The following USP4 variants were observed in gnomAD, a reference collection of about 807,000 sequenced individuals.
USP4 encodes ubiquitin specific peptidase 4.
A neutral mutation model predicts 118.2 loss-of-function variants in USP4; 72 were observed. That is an observed-to-expected ratio of 0.61 (90% CI 0.50 to 0.74). USP4 has a LOEUF of 0.74. Ranked by LOEUF, USP4 falls within the 30% of genes least tolerant of loss-of-function variation. The pLI is 0.00. For missense variants in USP4, 1,037 were observed against 1,185.7 expected (o/e 0.87, Z 1.84); for synonymous variants, 415 against 440.4 (o/e 0.94, Z 0.72).
intron 6 of USP4, among the ~76,000 whole-genome samples, chr3:49,320,355 T>C (rs756299112): frequency 9.5e-4 from 145 of 152,148 alleles, no homozygotes; most frequent in Non-Finnish European, 1.9e-3. Context: ...GGCAGGAGAA[T>C]TGCTTGAACC....
intron 3 of USP4, among the ~76,000 whole-genome samples, chr3:49,326,564 T>C (rs1294691986): frequency 6.7e-6 from 1 of 150,326 alleles, no homozygotes; most frequent in Non-Finnish European, 1.5e-5. Flanking sequence ...GCCCAGCTAA[T>C]TTTTGTATTT....
chr3:49,322,074 C>G (rs758872152), intron 6 of USP4, among the ~76,000 whole-genome samples: 3 of 152,140 alleles, frequency 2.0e-5, no homozygotes, highest in Non-Finnish European at 2.9e-5. Context: ...GTAACCACTA[C>G]CCTGACCAAG....
Position 49,277,254 on chromosome 3 carries a change from C to G in USP4, c.*1039G>C, listed in dbSNP as rs758634537. ...GCGTGCCCCGCGCAGGCCCCAAACC[C>G]CCACGGATTAGGTTGAAGGTCAGAC... is the stretch of plus-strand genomic sequence containing the variant. On this transcript the variant is annotated 3_prime_UTR_variant, in exon 22 of 22. Coordinates refer to ENST00000265560, the MANE Select transcript of USP4 (RefSeq NM_003363.4). The G allele has an allele frequency of 2.3e-5, 30 of 1,301,570 alleles. No individual in the cohort carries two copies. In the South Asian group the frequency reaches 3.7e-4, roughly 16 times the overall value. The allele number at this position is 1,301,570 out of a possible 1,614,324, so 80.6% of individuals were successfully genotyped here. A position where few individuals can be genotyped will look rare whatever the true frequency, so the allele number is the denominator to read the frequency against.
At chr3:49,299,747 A>T (rs1229107533) in intron 11 of USP4, among the ~76,000 whole-genome samples, 1 of 152,070 alleles carries the variant, frequency 6.6e-6, no homozygotes, top group Non-Finnish European at 1.5e-5. Flanking sequence ...CAATACAATT[A>T]CTCAGTGAGC....
chr3:49,293,202 C>T (rs944525235), intron 14 of USP4, among the ~76,000 whole-genome samples: 5 of 152,016 alleles, frequency 3.3e-5, no homozygotes, highest in African/African-American at 9.7e-5. Flanking sequence ...CATGGTGAAA[C>T]CCCATCTCTA....
rs918678067 is a variant in USP4 at position 49,335,745 on chromosome 3, G to A, written c.102-149C>T. On this transcript the variant is annotated intron_variant, in intron 1 of 21. Transcript: ENST00000265560. Reference sequence around the variant, plus strand: ...GTCACAAGAGCAAGAGCAGGGCCCAGGCCCCACATGGCACAGAGAGTCTGG... The same window carrying A: ...GTCACAAGAGCAAGAGCAGGGCCCAAGCCCCACATGGCACAGAGAGTCTGG... 4 of 782,920 alleles carry A rather than the reference G, an allele frequency of 5.1e-6. No homozygotes were observed. In the African/African-American group the frequency reaches 7.0e-5, roughly 14 times the overall value. 48.5% of individuals were successfully genotyped at this position (782,920 alleles called of 1,614,324 possible).
Position 49,281,491 on chromosome 3 carries a change from TACACACACACAC to T in USP4, c.2541-656_2541-645del, listed in dbSNP as rs71077782. Among the ~76,000 whole-genome samples the T allele has an allele frequency of 1.3e-3, 168 of 126,542 alleles. 1 individual carries two copies. Among genetic ancestry groups the T allele is most frequent in the African/African-American group, 4.5e-3 (139 of 30,758 alleles). 83.0% of individuals were successfully genotyped at this position (126,542 alleles called of 152,430 possible). On this transcript the variant is annotated intron_variant, in intron 19 of 21. Coordinates refer to ENST00000265560, the MANE Select transcript of USP4 (RefSeq NM_003363.4). ...AAAAGTATGTGTATATATATATATA[TACACACACACAC>T]ACACACACACACACACACACACACA...
intron 3 of USP4, 64 bp from the exon 4 acceptor site, chr3:49,325,909 A>G (rs1371406304): frequency 1.3e-6 from 2 of 1,579,450 alleles, no homozygotes; most frequent in African/African-American, 2.7e-5. Context: ...TGGATGTAGC[A>G]TATCTTATCA....
intron 10 of USP4, among the ~76,000 whole-genome samples, 195 bp downstream of exon 10, chr3:49,302,189 T>TAAAAAA (rs200559085): frequency 8.1e-6 from 1 of 123,992 alleles, no homozygotes. Flanking sequence ...TGTCTCTATT[T>TAAAAAA]AAAAAAAAAA....
In USP4 at chr3:49,278,176, G is replaced by T. The variant is rs1314066566; in HGVS notation, c.*117C>A. 1.9e-5 allele frequency: 20 copies of T among 1,066,086 alleles called. No homozygotes were observed. Among genetic ancestry groups the T allele is most frequent in the Non-Finnish European group, 2.2e-5 (17 of 783,050 alleles). 66.0% of individuals were successfully genotyped at this position (1,066,086 alleles called of 1,614,324 possible). On this transcript the variant is annotated 3_prime_UTR_variant, in exon 22 of 22. Coordinates refer to ENST00000265560, the MANE Select transcript of USP4 (RefSeq NM_003363.4). ...TTTTTGTTTCCTTCTGCTCATAAAAGAAGGGTATTTCCTTGTCTGGTTTTT... is the reference window on the plus strand; with the variant it reads ...TTTTTGTTTCCTTCTGCTCATAAAATAAGGGTATTTCCTTGTCTGGTTTTT...
At position 49,278,452 on chromosome 3, in the gene USP4, C is replaced by T. The variant is rs1268738572; in HGVS notation, c.2734-1G>A. 6.2e-7 allele frequency: 1 copy of T among 1,613,002 alleles called. No individual in the cohort carries two copies. Among genetic ancestry groups the T allele is most frequent in the Non-Finnish European group, 8.5e-7 (1 of 1,179,666 alleles). ...AAAATAGCACATAAGCTGCTTTAGT[C>T]TGAAATACAAGAGGGGGAAAGACCA... On this transcript the variant is annotated splice_acceptor_variant, in intron 21 of 21. Coordinates refer to ENST00000265560, the MANE Select transcript of USP4 (RefSeq NM_003363.4). LOFTEE classifies it high-confidence loss of function.
rs780685229 is a variant in USP4 at position 49,310,744 on chromosome 3, A to G, written c.837-7T>C. 7 of 1,605,370 alleles carry G rather than the reference A, an allele frequency of 4.4e-6. No homozygotes were observed. In the South Asian group the frequency reaches 7.7e-5, roughly 18 times the overall value. ...AGCAGAAAAGCCAGATCCACTGGAA[A>G]ACACAACACACATCAGCAATAAAAG... On this transcript the variant is annotated splice_region_variant and splice_polypyrimidine_tract_variant and intron_variant, in intron 7 of 21. Coordinates refer to ENST00000265560, the MANE Select transcript of USP4 (RefSeq NM_003363.4).
Position 49,302,403 on chromosome 3 carries a change from G to A in USP4, c.1268C>T (p.Ala423Val), listed in dbSNP as rs2107780922. ...GCATACCGCATCTGGCCGCCCATTG[G>A]CATCCTTCAGCTCCAAGTAGGGCTT... ...KKKPYLELKD[A>V]NGRPDAVVAK... Residue 423 changes from alanine to valine, a missense_variant, in exon 10 of 22, where the codon GCC becomes GTC. Around this residue, in one of 3 missense-constraint regions of USP4, gnomAD observed 487 missense variants for 534.1 expected, o/e 0.91. Coordinates refer to ENST00000265560, the MANE Select transcript of USP4 (RefSeq NM_003363.4). 6 of 1,613,606 alleles carry A rather than the reference G, an allele frequency of 3.7e-6. No homozygotes were observed. The East Asian group carries it at 1.3e-4, about 36-fold the overall frequency.
At chr3:49,302,651 G>T in intron 9 of USP4, 109 bp from the exon 10 acceptor site, 2 of 1,101,162 alleles carry the variant, frequency 1.8e-6, no homozygotes, top group Non-Finnish European at 1.3e-6. Flanking sequence ...GGCAGTGAGA[G>T]AGAACACTTG....
chr3:49,288,202 A>T (rs193022084), intron 15 of USP4, among the ~76,000 whole-genome samples: 2 of 151,986 alleles, frequency 1.3e-5, no homozygotes, highest in Admixed American at 1.3e-4. Context: ...GCAAGAAAAA[A>T]CCTGCCCTGC....
At chr3:49,296,364 T>C (rs1295496690) in intron 13 of USP4, among the ~76,000 whole-genome samples, 1 of 151,434 alleles carries the variant, frequency 6.6e-6, no homozygotes. Context: ...AAATACCAGA[T>C]GCTGGCCGAG....
intron 6 of USP4, chr3:49,312,354 T>C (rs763869413): frequency 1.5e-5 from 6 of 394,790 alleles, no homozygotes; most frequent in South Asian, 1.1e-4. Flanking sequence ...CTGGACATGG[T>C]GGCGGGCGCC....
In USP4 at chr3:49,340,034, G is replaced by T. The variant is rs201853078; in HGVS notation, c.-10C>A. ...CTCCACCTTCCGCCATCTCCTCCGCGGCCCCGGCCCAGCCGGCCCGGACAT... is the reference window on the plus strand; with the variant it reads ...CTCCACCTTCCGCCATCTCCTCCGCTGCCCCGGCCCAGCCGGCCCGGACAT... On this transcript the variant is annotated 5_prime_UTR_variant, in exon 1 of 22. Transcript: ENST00000265560. The T allele has an allele frequency of 2.5e-6, 4 of 1,603,326 alleles. No individual in the cohort carries two copies. The highest frequency in any genetic ancestry group is 1.7e-5 in the Admixed American group (1 of 59,958).
intron 9 of USP4, among the ~76,000 whole-genome samples, chr3:49,303,438 CAAAA>C (rs1173726988): frequency 8.6e-5 from 2 of 23,344 alleles, no homozygotes; most frequent in South Asian, 1.3e-3. Context: ...AAGGCTGTCT[CAAAA>C]AAAAAAAAAA....
Sources: allele counts gnomAD v4.1 joint callset (sites outside exome capture counted in the v4.1 genomes callset), GRCh38; gene constraint gnomAD v4.1.1; regional missense constraint gnomAD v4.1.1; transcripts MANE v1.5; gene names NCBI Gene and HGNC (gene_info 2026-07-23, HGNC 2026-07-21).